The following RAD51B variants were observed in gnomAD, a reference collection of about 807,000 sequenced individuals.
The protein encoded by RAD51B is DNA repair protein RAD51 homolog 2.
In RAD51B, 38 loss-of-function variants were observed where a neutral mutation model predicts 42.2. The observed-to-expected ratio is 0.90, with a 90% confidence interval of 0.70 to 1.18. The LOEUF (loss-of-function observed/expected upper bound fraction) is 1.18. RAD51B is among the 50% of genes most tolerant of loss of function. The pLI, the probability that RAD51B is intolerant of heterozygous loss-of-function variation, is 0.00. For missense variants in RAD51B, 373 were observed against 400.7 expected (o/e 0.93, Z 0.59); for synonymous variants, 154 against 145.2 (o/e 1.06, Z -0.43).
chr14:68,000,811 G>C (rs1027183283), intron 7 of RAD51B, among the ~76,000 whole-genome samples: 1 of 152,110 alleles, frequency 6.6e-6, no homozygotes, highest in Admixed American at 6.5e-5. Flanking sequence ...GTGGATTTCA[G>C]TTTTTAAAAA....
intron 10 of RAD51B, among the ~76,000 whole-genome samples, chr14:68,586,757 C>A (rs1335385191): frequency 6.6e-6 from 1 of 152,208 alleles, no homozygotes; most frequent in East Asian, 1.9e-4. Flanking sequence ...GTAATCCCAG[C>A]ACTTTGGGAG....
At chr14:68,512,481 G>T (rs922938050) in intron 10 of RAD51B, among the ~76,000 whole-genome samples, 4 of 152,224 alleles carry the variant, frequency 2.6e-5, no homozygotes, top group African/African-American at 4.8e-5. Flanking sequence ...CAGGGCAAAA[G>T]AAATTAAACC....
chr14:67,895,152 A>G (rs966172453), intron 7 of RAD51B, among the ~76,000 whole-genome samples: 2 of 152,252 alleles, frequency 1.3e-5, no homozygotes. Context: ...AAGCACATGC[A>G]TAATTCTAAA....
At chr14:68,371,035 T>TGAAA (rs2083244773) in intron 8 of RAD51B, among the ~76,000 whole-genome samples, 1 of 11,534 alleles carries the variant, frequency 8.7e-5, no homozygotes, top group East Asian at 4.1e-3. Context: ...AGACTCTGTC[T>TGAAA]CAAAAAAAAA....
intron 7 of RAD51B, among the ~76,000 whole-genome samples, chr14:68,271,304 T>G (rs7147198): frequency 7.9e-5 from 12 of 152,342 alleles, no homozygotes; most frequent in African/African-American, 2.6e-4. Context: ...ATTAAATGAA[T>G]GCACTGACAT....
intron 4 of RAD51B, among the ~76,000 whole-genome samples, chr14:67,845,552 C>T (rs981379014): frequency 1.1e-4 from 17 of 152,038 alleles, no homozygotes; most frequent in African/African-American, 4.1e-4. Flanking sequence ...CCTGTAGTCC[C>T]AGCTACTCAG....
At chr14:68,256,392 A>G (rs977104342) in intron 7 of RAD51B, among the ~76,000 whole-genome samples, 6 of 152,184 alleles carry the variant, frequency 3.9e-5, no homozygotes, top group Non-Finnish European at 8.8e-5. Flanking sequence ...ACTTACTGGA[A>G]AGTCCATTAA....
chr14:67,939,961 T>C (rs2045103373), intron 7 of RAD51B, among the ~76,000 whole-genome samples: 1 of 132,272 alleles, frequency 7.6e-6, no homozygotes, highest in Admixed American at 7.9e-5. Context: ...CCTCATAACA[T>C]ACATTATATA....
chr14:68,172,906 C>G (rs1448693045), intron 7 of RAD51B, among the ~76,000 whole-genome samples: 3 of 152,194 alleles, frequency 2.0e-5, no homozygotes, highest in African/African-American at 7.2e-5. Context: ...TGAGCCAAAT[C>G]TCCAAGGTCT....
intron 8 of RAD51B, among the ~76,000 whole-genome samples, chr14:68,400,723 T>C (rs1478325446): frequency 2.6e-5 from 4 of 152,248 alleles, no homozygotes; most frequent in Non-Finnish European, 4.4e-5. Context: ...TGAAGCTAAA[T>C]TTAAAGAGAA....
intron 9 of RAD51B, among the ~76,000 whole-genome samples, chr14:68,418,571 T>C (rs980231392): frequency 2.6e-5 from 4 of 152,204 alleles, no homozygotes; most frequent in African/African-American, 9.6e-5. Flanking sequence ...TCTAGAGAAA[T>C]CTGAGCAGTT....
intron 10 of RAD51B, chr14:68,563,788 A>G: frequency 2.0e-6 from 2 of 985,352 alleles, no homozygotes; most frequent in Non-Finnish European, 2.4e-6. Context: ...GATTTTCCGT[A>G]AGAAACGACA....
intron 7 of RAD51B, chr14:68,069,574 T>A (rs545688535): frequency 1.3e-5 from 2 of 152,302 alleles, no homozygotes; most frequent in African/African-American, 4.8e-5. Context: ...CTTAGGATTA[T>A]GACCACCAGC....
At chr14:68,394,569 C>T (rs764871430) in intron 8 of RAD51B, among the ~76,000 whole-genome samples, 1 of 152,264 alleles carries the variant, frequency 6.6e-6, no homozygotes, top group Non-Finnish European at 1.5e-5. Flanking sequence ...GTTTCCTTGG[C>T]AGGATTCTCT....
At chr14:68,268,104 G>T (rs1356649814) in intron 7 of RAD51B, among the ~76,000 whole-genome samples, 1 of 152,190 alleles carries the variant, frequency 6.6e-6, no homozygotes, top group Non-Finnish European at 1.5e-5. Flanking sequence ...TCCTTGAGCA[G>T]CAGGAAGAGA....
intron 7 of RAD51B, among the ~76,000 whole-genome samples, chr14:67,889,325 T>TAA (rs10639894): frequency 0.053 from 7,440 of 139,868 alleles, 431 homozygotes; most frequent in African/African-American, 0.15. Flanking sequence ...GAGATTTAAT[T>TAA]AAAAAAAAAA....
chr14:68,518,533 T>A (rs939106578), intron 10 of RAD51B, among the ~76,000 whole-genome samples: 2 of 151,546 alleles, frequency 1.3e-5, no homozygotes, highest in African/African-American at 4.8e-5. Context: ...CTTAAGCCGA[T>A]GGTGACCCCA....
intron 7 of RAD51B, among the ~76,000 whole-genome samples, chr14:67,959,510 G>A (rs1055191525): frequency 3.9e-5 from 6 of 152,242 alleles, no homozygotes; most frequent in African/African-American, 1.4e-4. Context: ...GCCTCCCAAA[G>A]TGCTGGGATT....
At chr14:67,922,959 G>A (rs897950037) in intron 7 of RAD51B, among the ~76,000 whole-genome samples, 9 of 152,192 alleles carry the variant, frequency 5.9e-5, no homozygotes, top group Admixed American at 3.3e-4. Context: ...TCAAAGTGCT[G>A]GGATTACAGG....
Sources: gnomAD v4.1 joint callset for allele counts (sites outside exome capture counted in the v4.1 genomes callset) on GRCh38, gnomAD v4.1.1 for gene constraint, MANE v1.5 for transcripts, NCBI Gene and HGNC (gene_info 2026-07-23, HGNC 2026-07-21) for gene names.